Variants in ARHGAP15 observed in about 807,000 individuals in gnomAD.
ARHGAP15 encodes the protein rho GTPase-activating protein 15.
A neutral mutation model predicts 63.7 loss-of-function variants in ARHGAP15; 51 were observed. The ratio of observed to expected loss-of-function variants is 0.80; its 90% CI spans 0.64 to 1.01. ARHGAP15 has a LOEUF of 1.01. ARHGAP15 is among the 50% of genes least tolerant of loss of function. The pLI, the probability that ARHGAP15 is intolerant of heterozygous loss-of-function variation, is 0.00. For synonymous variants in ARHGAP15, 191 were observed against 193.8 expected (o/e 0.99, Z 0.12); for missense variants, 560 against 564.6 (o/e 0.99, Z 0.08).
chr2:143,168,334 A>T (rs1479981035), intron 2 of ARHGAP15, among the ~76,000 whole-genome samples: 1 of 151,720 alleles, frequency 6.6e-6, no homozygotes, highest in South Asian at 2.1e-4. Flanking sequence ...CACACCATCA[A>T]TCCTGGCTGT....
intron 11 of ARHGAP15, among the ~76,000 whole-genome samples, chr2:143,611,009 G>T (rs190794583): frequency 6.6e-6 from 1 of 152,078 alleles, no homozygotes; most frequent in Admixed American, 6.5e-5. Context: ...GATTACAGGC[G>T]TGAGCCACTG....
At chr2:143,695,745 G>A (rs1683815267) in intron 12 of ARHGAP15, among the ~76,000 whole-genome samples, 1 of 151,990 alleles carries the variant, frequency 6.6e-6, no homozygotes, top group Non-Finnish European at 1.5e-5. Context: ...GTGAGTGCCT[G>A]TAGTCCCAGC....
intron 12 of ARHGAP15, among the ~76,000 whole-genome samples, chr2:143,689,840 A>C (rs995079490): frequency 6.6e-6 from 1 of 152,198 alleles, no homozygotes; most frequent in African/African-American, 2.4e-5. Context: ...GATATGTGCC[A>C]TTATCAGGAC....
Position 143,283,252 on chromosome 2 carries a change from C to T in ARHGAP15, c.474+32652C>T, listed in dbSNP as rs537657241. ...ATGTCACACTGTTCCCTTCTCACCG[C>T]TTTCCTCAATGTACACACTATCTAG... On this transcript the variant is annotated intron_variant, in intron 6 of 13. Transcript: ENST00000295095. Among the ~76,000 whole-genome samples, 8 of 152,248 alleles carry T rather than the reference C, an allele frequency of 5.3e-5. No homozygotes were observed. In the South Asian group the frequency reaches 1.5e-3, roughly 28 times the overall value.
chr2:143,188,982 A>C (rs1368100013), intron 2 of ARHGAP15, among the ~76,000 whole-genome samples: 1 of 151,960 alleles, frequency 6.6e-6, no homozygotes, highest in Non-Finnish European at 1.5e-5. Flanking sequence ...CATTTTGCCT[A>C]AACACTTCCC....
intron 6 of ARHGAP15, among the ~76,000 whole-genome samples, chr2:143,312,175 T>G (rs1446094107): frequency 6.6e-6 from 1 of 152,148 alleles, no homozygotes; most frequent in Non-Finnish European, 1.5e-5. Context: ...AGGATTACAG[T>G]ATTTGGATAG....
intron 8 of ARHGAP15, among the ~76,000 whole-genome samples, chr2:143,437,946 C>A (rs1383945391): frequency 6.6e-6 from 1 of 152,144 alleles, no homozygotes. Context: ...ATTGCTTGAA[C>A]CAGAGAGTCA....
chr2:143,144,976 A>G (rs540268775), intron 1 of ARHGAP15, among the ~76,000 whole-genome samples: 3 of 152,210 alleles, frequency 2.0e-5, no homozygotes, highest in Admixed American at 2.0e-4. Context: ...AGGGGTTATG[A>G]CCAAATATGC....
At chr2:143,390,612 CCCTT>C (rs1419647109) in intron 6 of ARHGAP15, among the ~76,000 whole-genome samples, 1 of 152,042 alleles carries the variant, frequency 6.6e-6, no homozygotes, top group Non-Finnish European at 1.5e-5. Flanking sequence ...GCTTCCCCCT[CCCTT>C]CCTTTTCTCC....
At chr2:143,206,827 T>C (rs967088483) in intron 3 of ARHGAP15, among the ~76,000 whole-genome samples, 3 of 152,076 alleles carry the variant, frequency 2.0e-5, no homozygotes, top group African/African-American at 7.2e-5. Flanking sequence ...AGCTGGATTA[T>C]TTTGTAAAAA....
At chr2:143,297,608 G>C (rs1306476204) in intron 6 of ARHGAP15, among the ~76,000 whole-genome samples, 1 of 151,930 alleles carries the variant, frequency 6.6e-6, no homozygotes, top group Non-Finnish European at 1.5e-5. Context: ...ATATCCTTCT[G>C]TTTCAGGTTT....
At chr2:143,493,744 C>T (rs865855535) in intron 9 of ARHGAP15, among the ~76,000 whole-genome samples, 4 of 152,222 alleles carry the variant, frequency 2.6e-5, no homozygotes, top group Non-Finnish European at 4.4e-5. Flanking sequence ...CCTTCCACTG[C>T]TCCTCTGTGT....
intron 12 of ARHGAP15, among the ~76,000 whole-genome samples, chr2:143,669,377 T>G (rs1682400519): frequency 1.3e-5 from 2 of 152,206 alleles, no homozygotes; most frequent in African/African-American, 4.8e-5. Flanking sequence ...TATACCAAGA[T>G]GGAACCCAGT....
chr2:143,671,242 T>C (rs1158932149), intron 12 of ARHGAP15, among the ~76,000 whole-genome samples: 1 of 152,150 alleles, frequency 6.6e-6, no homozygotes, highest in Non-Finnish European at 1.5e-5. Context: ...AGTTAGGCTT[T>C]TTTAATTAGT....
chr2:143,655,637 A>G lies in ARHGAP15; in HGVS notation c.1138+31370A>G, dbSNP rs143280978. On this transcript the variant is annotated intron_variant, in intron 12 of 13. Transcript: ENST00000295095. ...TTTAGCTTTTGTATATTACAGCCTT[A>G]CTAAACTAGGTAACTGCCTGGTGGT... is the stretch of plus-strand genomic sequence containing the variant. Among the ~76,000 whole-genome samples, 539 of 152,312 alleles carry G rather than the reference A, an allele frequency of 3.5e-3. 4 individuals carry two copies. Among genetic ancestry groups the G allele is most frequent in the African/African-American group, 0.012 (498 of 41,556 alleles).
At chr2:143,332,680 G>T (rs1031929427) in intron 6 of ARHGAP15, among the ~76,000 whole-genome samples, 5 of 152,062 alleles carry the variant, frequency 3.3e-5, no homozygotes, top group Admixed American at 1.3e-4. Flanking sequence ...GTGCTTAGAG[G>T]TTACGCCGAT....
At chr2:143,677,083 G>C (rs1230231578) in intron 12 of ARHGAP15, among the ~76,000 whole-genome samples, 2 of 152,214 alleles carry the variant, frequency 1.3e-5, no homozygotes, top group Admixed American at 6.5e-5. Context: ...GTGTTATTGT[G>C]TTTTGATCAT....
intron 9 of ARHGAP15, among the ~76,000 whole-genome samples, chr2:143,518,436 C>T (rs1184215803): frequency 6.6e-6 from 1 of 152,208 alleles, no homozygotes; most frequent in Non-Finnish European, 1.5e-5. Flanking sequence ...TCTCTGAAAT[C>T]AAAGGATGTT....
intron 12 of ARHGAP15, among the ~76,000 whole-genome samples, chr2:143,664,056 G>A (rs539356193): frequency 6.6e-6 from 1 of 151,444 alleles, no homozygotes; most frequent in African/African-American, 2.4e-5. Context: ...TCTGCACCAA[G>A]CGGACCTAAT....
Sources: gnomAD v4.1 joint callset for allele counts (sites outside exome capture counted in the v4.1 genomes callset) on GRCh38, gnomAD v4.1.1 for gene constraint, MANE v1.5 for transcripts, NCBI Gene and HGNC (gene_info 2026-07-23, HGNC 2026-07-21) for gene names.